HEPH: variants seen among roughly 807,000 people sequenced by gnomAD.
HEPH encodes hephaestin.
In HEPH, 69 loss-of-function variants were observed where a neutral mutation model predicts 80.8. The ratio of observed to expected loss-of-function variants is 0.85; its 90% CI spans 0.70 to 1.04. HEPH has a LOEUF of 1.04. Ranked by LOEUF, HEPH falls within the 50% of genes least tolerant of loss-of-function variation. HEPH has a pLI of 0.00. For missense variants in HEPH, 1,115 were observed against 891.3 expected, an observed-to-expected ratio of 1.25 and a Z score of -3.20; for synonymous variants, 431 against 322.8, an observed-to-expected ratio of 1.34 and a Z score of -3.60.
In HEPH at chrX:66,190,238, C is replaced by T. The variant is rs186113310; in HGVS notation, c.1063+300C>T. On this transcript the variant is annotated intron_variant, in intron 6 of 20. Transcript: ENST00000343002. ...AGCTTTTTATTATTTGCTTAGAATTCTAAACAATTAATACCTGGAGACATT... is the reference window on the plus strand; with the variant it reads ...AGCTTTTTATTATTTGCTTAGAATTTTAAACAATTAATACCTGGAGACATT... Among the ~76,000 whole-genome samples the T allele has an allele frequency of 1.3e-3, 145 of 110,323 alleles. 1 individual carries two copies. The highest frequency in any genetic ancestry group is 4.6e-3 in the Middle Eastern group (1 of 216).
chrX:66,260,578 T>C (rs1201575505), intron 19 of HEPH, among the ~76,000 whole-genome samples: 1 of 112,090 alleles, frequency 8.9e-6, no homozygotes, highest in Admixed American at 9.4e-5. Flanking sequence ...TGAAGCCTAG[T>C]GCAGGCCTGC....
chrX:66,250,362 G>C (rs953724115), intron 15 of HEPH, among the ~76,000 whole-genome samples: 2 of 111,244 alleles, frequency 1.8e-5, no homozygotes, highest in African/African-American at 6.5e-5. Flanking sequence ...CACTTTATCC[G>C]GTGATTAATA....
At chrX:66,231,384 C>A (rs1318356224) in intron 15 of HEPH, among the ~76,000 whole-genome samples, 1 of 101,051 alleles carries the variant, frequency 9.9e-6, no homozygotes, top group Admixed American at 1.1e-4. Flanking sequence ...GCCATTTTCA[C>A]GATATTGATT....
chrX:66,259,898 TA>T (rs2091303662), intron 18 of HEPH, among the ~76,000 whole-genome samples: 1 of 109,205 alleles, frequency 9.2e-6, no homozygotes, highest in African/African-American at 3.3e-5. Context: ...TTTTATTTTT[TA>T]TTTTTTTTAG....
chrX:66,197,847 C>T lies in HEPH; in HGVS notation c.1666C>T (p.Pro556Ser), dbSNP rs1460533532. The T allele has an allele frequency of 8.3e-7, 1 of 1,208,166 alleles. No homozygotes were observed. The highest frequency in any genetic ancestry group is 1.7e-5 in the African/African-American group (1 of 57,807). The change falls in exon 10 of 21, where the codon CCG becomes TCG. Residue 556 changes from proline to serine, a missense_variant. This residue lies in a region of HEPH where 716 missense variants were observed against 523.5 expected (regional missense o/e 1.37). Transcript: ENST00000343002. ...AGACACAAATTCTGGCCTGGTGGGC[C>T]CGCTGCTGGTGTGCAGGGCTGGTGC... ...IRDTNSGLVG[P>S]LLVCRAGALG...
chrX:66,253,128 A>G (rs1276007553), intron 15 of HEPH, among the ~76,000 whole-genome samples: 2 of 112,533 alleles, frequency 1.8e-5, no homozygotes, highest in Non-Finnish European at 3.8e-5. Flanking sequence ...GCTTTAAAGG[A>G]CACCATAAAA....
At chrX:66,173,855 C>G in intron 4 of HEPH, 54 bp downstream of exon 4, 2 of 932,434 alleles carry the variant, frequency 2.1e-6, no homozygotes, top group Non-Finnish European at 3.0e-6. Flanking sequence ...CTAGGGGTAG[C>G]AGTGATATGG....
intron 15 of HEPH, among the ~76,000 whole-genome samples, chrX:66,226,239 T>G (rs888978252): frequency 8.9e-6 from 1 of 112,365 alleles, no homozygotes; most frequent in Non-Finnish European, 1.9e-5. Flanking sequence ...TAGTTTTTAC[T>G]TCTTCTTTCT....
At chrX:66,209,423 A>G (rs1281263575) in intron 15 of HEPH, among the ~76,000 whole-genome samples, 1 of 111,949 alleles carries the variant, frequency 8.9e-6, no homozygotes, top group East Asian at 2.8e-4. Flanking sequence ...GCTCATTCAA[A>G]TAAGTTCTCA....
intron 1 of HEPH, among the ~76,000 whole-genome samples, chrX:66,167,954 C>G (rs768287921): frequency 2.7e-5 from 3 of 112,159 alleles, no homozygotes; most frequent in Non-Finnish European, 5.6e-5. Context: ...GTCACTTTAA[C>G]AATAGCTGTT....
intron 15 of HEPH, among the ~76,000 whole-genome samples, chrX:66,244,357 G>A (rs1283043659): frequency 1.8e-5 from 2 of 111,472 alleles, no homozygotes; most frequent in Non-Finnish European, 3.8e-5. Flanking sequence ...CAGAGATTTT[G>A]TTCATTTATT....
intron 19 of HEPH, among the ~76,000 whole-genome samples, chrX:66,261,115 T>C (rs1160515024): frequency 9.0e-6 from 1 of 110,678 alleles, no homozygotes; most frequent in Non-Finnish European, 1.9e-5. Flanking sequence ...CCTAGGCTGG[T>C]TTCAAATTTC....
intron 15 of HEPH, among the ~76,000 whole-genome samples, chrX:66,228,902 G>T (rs776981466): frequency 7.2e-4 from 81 of 112,386 alleles, no homozygotes; most frequent in African/African-American, 2.5e-3. Flanking sequence ...TGGATATGGT[G>T]AAAAGGGCAC....
chrX:66,219,564 T>G (rs1296707105), intron 15 of HEPH, among the ~76,000 whole-genome samples: 1 of 111,861 alleles, frequency 8.9e-6, no homozygotes, highest in African/African-American at 3.3e-5. Flanking sequence ...ACCATATGAT[T>G]CAGTTGAGCA....
intron 20 of HEPH, among the ~76,000 whole-genome samples, chrX:66,264,734 G>T (rs2148252858): frequency 9.3e-6 from 1 of 107,279 alleles, no homozygotes; most frequent in Admixed American, 1.0e-4. Context: ...GAAAGGTAAG[G>T]TGTGATTGTG....
At chrX:66,194,526 A>G (rs1378834933) in intron 8 of HEPH, among the ~76,000 whole-genome samples, 1 of 112,119 alleles carries the variant, frequency 8.9e-6, no homozygotes. Context: ...GCTAGATTAC[A>G]TGTGGTGGGT....
chrX:66,206,402 G>A (rs2088782291), intron 13 of HEPH, among the ~76,000 whole-genome samples: 1 of 69,007 alleles, frequency 1.4e-5, no homozygotes, highest in Non-Finnish European at 2.5e-5. Flanking sequence ...TCACTCTGTT[G>A]CCCAGGCTGG....
At chrX:66,189,623 G>T in intron 5 of HEPH, 61 bp from the exon 6 acceptor site, 1 of 1,126,214 alleles carries the variant, frequency 8.9e-7, no homozygotes, top group South Asian at 2.0e-5. Context: ...AAATGGTAAG[G>T]CTTCTTCCAT....
intron 10 of HEPH, among the ~76,000 whole-genome samples, chrX:66,198,653 C>G (rs1464104555): frequency 9.0e-6 from 1 of 111,238 alleles, no homozygotes; most frequent in East Asian, 2.8e-4. Context: ...CACTTTCATA[C>G]AGTCTTCCCT....
Sources: allele counts gnomAD v4.1 joint callset (sites outside exome capture counted in the v4.1 genomes callset), GRCh38; gene constraint gnomAD v4.1.1; regional missense constraint gnomAD v4.1.1; transcripts MANE v1.5; gene names NCBI Gene and HGNC (gene_info 2026-07-23, HGNC 2026-07-21).